Variants in GRIA3 observed in about 807,000 individuals in gnomAD.
GRIA3 encodes glutamate receptor 3.
In GRIA3, 3 loss-of-function variants were observed where a neutral mutation model predicts 63.0. The ratio of observed to expected loss-of-function variants is 0.05; its 90% CI spans 0.02 to 0.12. The LOEUF is 0.12. Ranked by LOEUF, GRIA3 falls within the 10% of genes least tolerant of loss-of-function variation. The probability of loss-of-function intolerance (pLI) is 1.00; values close to 1 mark genes in which losing one functional copy is unlikely to be tolerated. For missense variants in GRIA3, 347 were observed against 700.9 expected, an observed-to-expected ratio of 0.50 and a Z score of 5.70; for synonymous variants, 274 against 257.9, an observed-to-expected ratio of 1.06 and a Z score of -0.60.
intron 5 of GRIA3, among the ~76,000 whole-genome samples, chrX:123,371,165 T>C (rs1347489447): frequency 7.3e-5 from 8 of 110,275 alleles, no homozygotes; most frequent in Admixed American, 6.9e-4. Context: ...TTATTTCTCT[T>C]AGCATAATGA....
At chrX:123,262,913 C>T (rs990938815) in intron 3 of GRIA3, among the ~76,000 whole-genome samples, 11 of 111,160 alleles carry the variant, frequency 9.9e-5, no homozygotes, top group Non-Finnish European at 1.7e-4. Context: ...ATGGCATTCC[C>T]ATCAATGCTC....
chrX:123,360,869 A>T (rs1359765013), intron 5 of GRIA3, among the ~76,000 whole-genome samples: 166 of 98,501 alleles, frequency 1.7e-3, no homozygotes, highest in East Asian at 6.6e-3. Context: ...ACACACACAC[A>T]CACACACACA....
chrX:123,476,472 A>G (rs1255098417), intron 13 of GRIA3, among the ~76,000 whole-genome samples: 1 of 111,704 alleles, frequency 9.0e-6, no homozygotes, highest in Non-Finnish European at 1.9e-5. Flanking sequence ...GGACAAAAGC[A>G]GTTTTCCTCT....
At chrX:123,451,437 C>T (rs1053223619) in intron 12 of GRIA3, among the ~76,000 whole-genome samples, 2 of 84,718 alleles carry the variant, frequency 2.4e-5, no homozygotes, top group African/African-American at 4.6e-5. Flanking sequence ...CCTAGGAATT[C>T]GAAGCTGCAG....
chrX:123,245,286 G>A (rs761836718), intron 2 of GRIA3, among the ~76,000 whole-genome samples: 41 of 111,606 alleles, frequency 3.7e-4, no homozygotes, highest in African/African-American at 1.1e-3. Context: ...TGCTGAGTTC[G>A]TGATGCCTTG....
chrX:123,482,357 C>T (rs749344194), intron 14 of GRIA3, among the ~76,000 whole-genome samples: 1 of 111,687 alleles, frequency 9.0e-6, no homozygotes, highest in African/African-American at 3.3e-5. Context: ...AGGGGTGTTG[C>T]GGGGCAGAGA....
Position 123,470,527 on chromosome X carries a change from G to T in GRIA3, c.2324+5415G>T, listed in dbSNP as rs774650168. Among the ~76,000 whole-genome samples the T allele has an allele frequency of 4.5e-5, 5 of 111,412 alleles. No homozygotes were observed. In the East Asian group the frequency reaches 1.4e-3, roughly 31 times the overall value. ...CTCCTCCCTATCACTAGCTATCTTT[G>T]TTTTTTTAAATCCCATGCATTTGCT... On this transcript the variant is annotated intron_variant, in intron 13 of 15. Coordinates refer to ENST00000620443, the MANE Select transcript of GRIA3 (RefSeq NM_007325.5).
chrX:123,302,240 T>C (rs1220162801), intron 3 of GRIA3, among the ~76,000 whole-genome samples: 1 of 112,005 alleles, frequency 8.9e-6, no homozygotes, highest in African/African-American at 3.2e-5. Flanking sequence ...CAGATGAGAT[T>C]AATTCTGTGT....
chrX:123,261,814 A>C (rs2044461748), intron 3 of GRIA3, among the ~76,000 whole-genome samples: 1 of 111,833 alleles, frequency 8.9e-6, no homozygotes, highest in African/African-American at 3.2e-5. Flanking sequence ...CGAGCTAAAG[A>C]AACAGATCTC....
rs542217907 is a variant in GRIA3 at position 123,346,747 on chromosome X, G to A, written c.697-8163G>A. On this transcript the variant is annotated intron_variant, in intron 4 of 15. Coordinates refer to ENST00000620443, the MANE Select transcript of GRIA3 (RefSeq NM_007325.5). ...GTTAACTTGGCTTTCTTTCCCACTC[G>A]AATGTGAGATCCTCCAGGCTAAGGA... 3.6e-5 allele frequency among the ~76,000 whole-genome samples: 4 copies of A among 111,919 alleles called. No homozygotes were observed. In the South Asian group the frequency reaches 1.1e-3, roughly 32 times the overall value.
At chrX:123,468,836 G>A (rs1056748061) in intron 13 of GRIA3, among the ~76,000 whole-genome samples, 1 of 112,325 alleles carries the variant, frequency 8.9e-6, no homozygotes, top group Non-Finnish European at 1.9e-5. Flanking sequence ...GAGAAAGTGC[G>A]ATCCAGAGAT....
intron 3 of GRIA3, among the ~76,000 whole-genome samples, chrX:123,274,045 T>C (rs748885624): frequency 3.4e-4 from 38 of 112,164 alleles, no homozygotes; most frequent in Non-Finnish European, 6.0e-4. Flanking sequence ...TCTCAGGCCT[T>C]TAACTTATGC....
intron 11 of GRIA3, among the ~76,000 whole-genome samples, chrX:123,425,835 A>T (rs1345930277): frequency 2.7e-5 from 3 of 111,688 alleles, no homozygotes; most frequent in Non-Finnish European, 5.7e-5. Context: ...CTACAGATTT[A>T]AAAAAAATCA....
intron 3 of GRIA3, among the ~76,000 whole-genome samples, chrX:123,322,864 T>C (rs1450630431): frequency 6.2e-5 from 7 of 112,254 alleles, no homozygotes; most frequent in African/African-American, 1.9e-4. Context: ...CATGCCCTCA[T>C]TAAAAAGCAG....
At chrX:123,392,226 T>C (rs2045390738) in intron 5 of GRIA3, among the ~76,000 whole-genome samples, 1 of 112,090 alleles carries the variant, frequency 8.9e-6, no homozygotes, top group African/African-American at 3.2e-5. Context: ...TTTAAATATG[T>C]AGCAGCACTG....
intron 3 of GRIA3, among the ~76,000 whole-genome samples, chrX:123,319,816 GAA>G (rs35660016): frequency 5.5e-4 from 39 of 70,274 alleles, no homozygotes; most frequent in Middle Eastern, 8.8e-3. Context: ...AACACCTCAG[GAA>G]AAAAAAAAAA....
At chrX:123,482,171 A>G (rs1324903794) in intron 14 of GRIA3, among the ~76,000 whole-genome samples, 2 of 112,288 alleles carry the variant, frequency 1.8e-5, no homozygotes, top group African/African-American at 3.2e-5. Context: ...TTAGCAGCCA[A>G]TCTCCAAAGG....
At chrX:123,188,532 T>C (rs1420818248) in intron 2 of GRIA3, among the ~76,000 whole-genome samples, 1 of 111,001 alleles carries the variant, frequency 9.0e-6, no homozygotes, top group East Asian at 2.9e-4. Context: ...CTCCAAATGA[T>C]TGCCCTGATT....
intron 3 of GRIA3, among the ~76,000 whole-genome samples, chrX:123,276,312 T>C (rs1263118007): frequency 8.9e-6 from 1 of 112,095 alleles, no homozygotes; most frequent in East Asian, 2.8e-4. Flanking sequence ...TCCCTTGGGA[T>C]TACTTTTTCC....
Sources: allele counts gnomAD v4.1 joint callset (sites outside exome capture counted in the v4.1 genomes callset), GRCh38; gene constraint gnomAD v4.1.1; transcripts MANE v1.5; gene names NCBI Gene and HGNC (gene_info 2026-07-23, HGNC 2026-07-21).